GDPD4: variants seen among roughly 807,000 people sequenced by gnomAD.
GDPD4 encodes the protein glycerophosphodiester phosphodiesterase 6.
Under a neutral mutation model 67.8 loss-of-function variants are expected in GDPD4, and 60 were observed. The observed-to-expected ratio is 0.88, with a 90% CI of 0.72 to 1.10. GDPD4 has a LOEUF of 1.10. GDPD4 is among the 50% of genes least tolerant of loss of function. The pLI, the probability that GDPD4 is intolerant of heterozygous loss-of-function variation, is 0.00. For synonymous variants in GDPD4, 212 were observed against 210.9 expected (o/e 1.00, Z -0.04); for missense variants, 623 against 613.9 (o/e 1.01, Z -0.16).
chr11:77,224,745 A>C (rs180870270), intron 16 of GDPD4, among the ~76,000 whole-genome samples: 4 of 152,350 alleles, frequency 2.6e-5, no homozygotes, highest in African/African-American at 7.2e-5. Flanking sequence ...TGTCTGTGAG[A>C]TAATACATTT....
intron 14 of GDPD4, among the ~76,000 whole-genome samples, chr11:77,229,625 C>T (rs1958416915): frequency 6.6e-6 from 1 of 152,198 alleles, no homozygotes; most frequent in African/African-American, 2.4e-5. Flanking sequence ...AGCCAAGTCT[C>T]CCGGGGCAGC....
At chr11:77,301,692 C>G (rs1938168761), upstream of GDPD4, 1 of 152,400 alleles carries the variant, frequency 6.6e-6, no homozygotes, top group Non-Finnish European at 1.5e-5. Context: ...GGAAGGGCAG[C>G]CCGAGGGAGG....
chr11:77,276,618 G>A (rs1408668536), intron 4 of GDPD4, among the ~76,000 whole-genome samples: 1 of 152,210 alleles, frequency 6.6e-6, no homozygotes, highest in Non-Finnish European at 1.5e-5. Context: ...AGGTCAGGAG[G>A]CAGCCCTTCC....
At chr11:77,285,276 G>A in intron 2 of GDPD4, 89 bp from the exon 3 acceptor site, 1 of 664,098 alleles carries the variant, frequency 1.5e-6, no homozygotes, top group East Asian at 2.8e-5. Flanking sequence ...GGTCAGCATA[G>A]TTGCACTGCC....
chr11:77,297,108 T>A (rs1937998547), intron 1 of GDPD4, among the ~76,000 whole-genome samples: 1 of 151,788 alleles, frequency 6.6e-6, no homozygotes, highest in African/African-American at 2.4e-5. Flanking sequence ...CACAAAGTAT[T>A]TACAGGTAAA....
intron 11 of GDPD4, among the ~76,000 whole-genome samples, chr11:77,246,895 T>A (rs1485800916): frequency 6.6e-6 from 1 of 152,206 alleles, no homozygotes; most frequent in East Asian, 1.9e-4. Flanking sequence ...TCACTTGCCA[T>A]TTTTTAGATC....
chr11:77,272,774 T>A (rs1319985170), intron 5 of GDPD4, among the ~76,000 whole-genome samples: 4 of 147,742 alleles, frequency 2.7e-5, no homozygotes, highest in South Asian at 2.1e-4. Flanking sequence ...AGACTCTGCC[T>A]CAAAAAAAAA....
chr11:77,283,454 T>C (rs1959848988), intron 3 of GDPD4, among the ~76,000 whole-genome samples: 1 of 152,196 alleles, frequency 6.6e-6, no homozygotes. Flanking sequence ...GATTTGGATA[T>C]TAGACTTTGC....
chr11:77,271,091 G>C, intron 7 of GDPD4, 39 bp downstream of exon 7: 1 of 1,404,218 alleles, frequency 7.1e-7, no homozygotes, highest in African/African-American at 1.4e-5. Flanking sequence ...TAAAGCCAGA[G>C]CTGAAGAAAT....
chr11:77,275,650 T>C (rs1194111752), intron 5 of GDPD4, among the ~76,000 whole-genome samples: 1 of 152,148 alleles, frequency 6.6e-6, no homozygotes, highest in Non-Finnish European at 1.5e-5. Context: ...CCTCTTCCCC[T>C]GGACCCCACT....
chr11:77,291,908 T>A (rs554216623), intron 1 of GDPD4, among the ~76,000 whole-genome samples: 2 of 152,268 alleles, frequency 1.3e-5, no homozygotes, highest in Admixed American at 6.5e-5. Flanking sequence ...CGCATGCCTG[T>A]AATCCCAGCT....
intron 3 of GDPD4, among the ~76,000 whole-genome samples, chr11:77,284,549 G>A (rs1258147557): frequency 6.6e-6 from 1 of 152,154 alleles, no homozygotes; most frequent in African/African-American, 2.4e-5. Flanking sequence ...TTGCAGGAAG[G>A]TTAGAAGACA....
chr11:77,218,434 C>T (rs2135814228), intron 16 of GDPD4, among the ~76,000 whole-genome samples: 1 of 152,192 alleles, frequency 6.6e-6, no homozygotes, highest in East Asian at 1.9e-4. Flanking sequence ...TACATGTGCA[C>T]AATGTGCAGG....
Position 77,217,204 on chromosome 11 carries a change from G to C in GDPD4, c.*73C>G, listed in dbSNP as rs762063155. On this transcript the variant is annotated 3_prime_UTR_variant, in exon 17 of 17. Coordinates refer to ENST00000315938, the MANE Select transcript of GDPD4 (RefSeq NM_182833.3). ...TTCCACTCTTGGGTAGAGCCGGGTA[G>C]AGGGCTGCTAGAGTCCAAGGACCTT... 5.3e-6 allele frequency: 6 copies of C among 1,124,688 alleles called. No homozygotes were observed. The South Asian group carries it at 7.4e-5, about 14-fold the overall frequency. The allele number at this position is 1,124,688 out of a possible 1,614,324, so 69.7% of individuals were successfully genotyped here. A position where few individuals can be genotyped will look rare whatever the true frequency, so the allele number is the denominator to read the frequency against.
In GDPD4 at chr11:77,229,169, C is replaced by T. The variant is rs531524366; in HGVS notation, c.1453G>A (p.Ala485Thr). The change falls in exon 15 of 17, where the codon GCC (alanine) becomes ACC (threonine). Residue 485 changes from alanine to threonine, a missense_variant. Coordinates refer to ENST00000315938, the MANE Select transcript of GDPD4 (RefSeq NM_182833.3). ...ADIISVLFIV[A>T]IFCFHWRRET... is the part of the protein sequence containing the mutation. ...ACTTACCAGTGAAAACAAAATATGGCAACAATAAAAAGCACAGAAATGATA... is the reference window on the plus strand; with the variant it reads ...ACTTACCAGTGAAAACAAAATATGGTAACAATAAAAAGCACAGAAATGATA... 2.5e-6 allele frequency: 4 copies of T among 1,596,970 alleles called. No individual in the cohort carries two copies. In the African/African-American group the frequency reaches 4.0e-5, roughly 16 times the overall value.
At chr11:77,259,918 G>A (rs374555128) in intron 10 of GDPD4, among the ~76,000 whole-genome samples, 7 of 152,232 alleles carry the variant, frequency 4.6e-5, no homozygotes, top group Admixed American at 2.0e-4. Flanking sequence ...TAAGACAATC[G>A]GAGCTTGCAC....
intron 10 of GDPD4, among the ~76,000 whole-genome samples, chr11:77,266,303 C>G (rs1959177760): frequency 6.6e-6 from 1 of 152,114 alleles, no homozygotes; most frequent in African/African-American, 2.4e-5. Context: ...AATTTCCTAT[C>G]ACCTAGTGAC....
intron 11 of GDPD4, among the ~76,000 whole-genome samples, chr11:77,248,075 A>T (rs1383129553): frequency 2.0e-5 from 3 of 151,556 alleles, no homozygotes; most frequent in South Asian, 2.1e-4. Flanking sequence ...AAAAAAAGAA[A>T]AGAAAGAAAG....
At chr11:77,256,126 A>G (rs2066082243) in intron 11 of GDPD4, among the ~76,000 whole-genome samples, 2 of 152,230 alleles carry the variant, frequency 1.3e-5, no homozygotes, top group South Asian at 4.1e-4. Context: ...TCCATCAAAC[A>G]TCTCAGCCTG....
Sources: allele counts gnomAD v4.1 joint callset (sites outside exome capture counted in the v4.1 genomes callset), GRCh38; gene constraint gnomAD v4.1.1; transcripts MANE v1.5; gene names NCBI Gene and HGNC (gene_info 2026-07-23, HGNC 2026-07-21).